BRINP1: variants seen among roughly 807,000 people sequenced by gnomAD.
BRINP1 encodes BMP/retinoic acid-inducible neural-specific protein 1.
In BRINP1, 17 loss-of-function variants were observed where a neutral mutation model predicts 72.9. The ratio of observed to expected loss-of-function variants is 0.23; its 90% CI spans 0.16 to 0.35. The LOEUF (loss-of-function observed/expected upper bound fraction) is 0.35. Among genes scored for constraint, BRINP1 ranks in the 10% least tolerant of loss-of-function variants. The probability of loss-of-function intolerance (pLI) is 1.00; values close to 1 mark genes in which losing one functional copy is unlikely to be tolerated. For synonymous variants in BRINP1, 418 were observed against 378.5 expected (o/e 1.10, Z -1.21); for missense variants, 850 against 1,001.6 (o/e 0.85, Z 2.04).
intron 7 of BRINP1, among the ~76,000 whole-genome samples, chr9:119,178,425 TTGTG>T (rs370286031): frequency 1.3e-5 from 2 of 152,126 alleles, no homozygotes; most frequent in African/African-American, 2.4e-5. Context: ...ATTTCATTGT[TTGTG>T]TGTGTGTGTC....
At chr9:119,262,960 G>A (rs945634916) in intron 2 of BRINP1, among the ~76,000 whole-genome samples, 3 of 152,188 alleles carry the variant, frequency 2.0e-5, no homozygotes, top group African/African-American at 4.8e-5. Context: ...GACAAAGAAT[G>A]TACATTTTGC....
intron 5 of BRINP1, among the ~76,000 whole-genome samples, chr9:119,238,110 C>T (rs962602235): frequency 2.0e-5 from 3 of 152,066 alleles, no homozygotes; most frequent in Non-Finnish European, 2.9e-5. Context: ...TGTATTAATG[C>T]AATATAATTC....
intron 2 of BRINP1, among the ~76,000 whole-genome samples, chr9:119,253,358 G>A (rs1830412881): frequency 6.6e-6 from 1 of 152,128 alleles, no homozygotes; most frequent in South Asian, 2.1e-4. Flanking sequence ...ATCAAACTAA[G>A]TGCCAATCAA....
In BRINP1 at chr9:119,293,204, C is replaced by T. The variant is rs1002943848; in HGVS notation, c.218+19934G>A. 1.3e-4 allele frequency among the ~76,000 whole-genome samples: 20 copies of T among 151,748 alleles called. No individual in the cohort carries two copies. In the South Asian group the frequency reaches 1.9e-3, roughly 14 times the overall value. ...TATGACATGTTATAAGAATTCTCGG[C>T]GGGAAAAGGTGCTAAAATATATGTA... On this transcript the variant is annotated intron_variant, in intron 2 of 7. Coordinates refer to ENST00000265922, the MANE Select transcript of BRINP1 (RefSeq NM_014618.3).
At chr9:119,184,264 G>T (rs569029442) in intron 7 of BRINP1, among the ~76,000 whole-genome samples, 5 of 152,102 alleles carry the variant, frequency 3.3e-5, no homozygotes, top group African/African-American at 1.2e-4. Context: ...GACAGCACTC[G>T]CAGTGAAGCT....
At chr9:119,302,915 C>T (rs999622099) in intron 2 of BRINP1, among the ~76,000 whole-genome samples, 4 of 152,068 alleles carry the variant, frequency 2.6e-5, no homozygotes, top group Non-Finnish European at 4.4e-5. Flanking sequence ...CCTACAAGTG[C>T]TCCTGAAAGG....
chr9:119,263,068 C>T (rs1564232268), intron 2 of BRINP1, among the ~76,000 whole-genome samples: 1 of 152,140 alleles, frequency 6.6e-6, no homozygotes, highest in South Asian at 2.1e-4. Context: ...TGAACGCAGA[C>T]CCCTGACTCT....
chr9:119,194,753 G>A (rs1040827437), intron 7 of BRINP1, among the ~76,000 whole-genome samples: 1 of 152,134 alleles, frequency 6.6e-6, no homozygotes, highest in Admixed American at 6.5e-5. Context: ...CCAACACCTT[G>A]AAGGAGCTTG....
chr9:119,225,105 C>T (rs1052341475), intron 5 of BRINP1, among the ~76,000 whole-genome samples: 3 of 151,952 alleles, frequency 2.0e-5, no homozygotes, highest in African/African-American at 7.3e-5. Flanking sequence ...CAGCACTATT[C>T]ATAGTAGTCA....
intron 2 of BRINP1, among the ~76,000 whole-genome samples, chr9:119,302,323 GAGAA>G (rs1830946461): frequency 1.3e-5 from 2 of 152,158 alleles, no homozygotes; most frequent in Non-Finnish European, 2.9e-5. Flanking sequence ...TGTAAAGTTA[GAGAA>G]GTAGTAAATG....
At chr9:119,193,445 A>G (rs1829702404) in intron 7 of BRINP1, among the ~76,000 whole-genome samples, 1 of 152,160 alleles carries the variant, frequency 6.6e-6, no homozygotes. Flanking sequence ...GAGAGAGGAA[A>G]TGGAGAAATG....
chr9:119,249,860 G>T (rs11794856), intron 2 of BRINP1, among the ~76,000 whole-genome samples: 1 of 22,756 alleles, frequency 4.4e-5, no homozygotes, highest in Non-Finnish European at 8.1e-5. Context: ...GGAAGGGAGG[G>T]AGGGAGGGAG....
intron 5 of BRINP1, 117 bp from the exon 6 acceptor site, chr9:119,214,272 G>A: frequency 1.3e-6 from 1 of 746,768 alleles, no homozygotes. Context: ...CTGTGTATTG[G>A]AACCAATATA....
intron 2 of BRINP1, among the ~76,000 whole-genome samples, chr9:119,267,306 A>G (rs1830557244): frequency 6.6e-6 from 1 of 152,164 alleles, no homozygotes; most frequent in African/African-American, 2.4e-5. Flanking sequence ...TGAAAAAGCA[A>G]CCAAGAATCC....
chr9:119,343,712 T>G (rs1259094553), intron 1 of BRINP1, among the ~76,000 whole-genome samples: 2 of 152,174 alleles, frequency 1.3e-5, no homozygotes, highest in Non-Finnish European at 2.9e-5. Flanking sequence ...TACTGAAATT[T>G]GAGATGCACT....
At chr9:119,241,621 G>A (rs1830249644) in intron 4 of BRINP1, among the ~76,000 whole-genome samples, 1 of 152,120 alleles carries the variant, frequency 6.6e-6, no homozygotes, top group South Asian at 2.1e-4. Context: ...AATGGTGAGT[G>A]GGGAGGAAAG....
At chr9:119,199,457 G>A (rs1829780877) in intron 7 of BRINP1, among the ~76,000 whole-genome samples, 1 of 152,152 alleles carries the variant, frequency 6.6e-6, no homozygotes, top group Non-Finnish European at 1.5e-5. Context: ...CAGCATCTGA[G>A]CCTGAAGTTG....
intron 2 of BRINP1, among the ~76,000 whole-genome samples, chr9:119,271,878 T>G (rs1185148262): frequency 6.6e-6 from 1 of 151,912 alleles, no homozygotes; most frequent in Admixed American, 6.6e-5. Flanking sequence ...TTCTTTTTAA[T>G]ACATAGAGAC....
intron 5 of BRINP1, among the ~76,000 whole-genome samples, chr9:119,226,041 TC>T (rs1340018792): frequency 6.6e-6 from 1 of 151,974 alleles, no homozygotes; most frequent in Non-Finnish European, 1.5e-5. Context: ...GTTTCTCCTC[TC>T]AGCGATCTCA....
Sources: allele counts gnomAD v4.1 joint callset (sites outside exome capture counted in the v4.1 genomes callset), GRCh38; gene constraint gnomAD v4.1.1; transcripts MANE v1.5; gene names NCBI Gene and HGNC (gene_info 2026-07-23, HGNC 2026-07-21).